The following GLIS3 variants were observed in gnomAD, a reference collection of about 807,000 sequenced individuals.
GLIS3 encodes the protein GLIS family zinc finger 3, also known as zinc finger protein GLIS3.
GLIS3 carries 53 observed loss-of-function variants against 78.6 expected under a neutral mutation model. That is an observed-to-expected ratio of 0.67 (90% CI 0.54 to 0.85). The LOEUF (loss-of-function observed/expected upper bound fraction) is 0.85. Ranked by LOEUF, GLIS3 falls within the 40% of genes least tolerant of loss-of-function variation. GLIS3 has a pLI of 0.00. For synonymous variants in GLIS3, 684 were observed against 509.9 expected, an observed-to-expected ratio of 1.34 and a Z score of -4.60; for missense variants, 1,703 against 1,231.1, an observed-to-expected ratio of 1.38 and a Z score of -5.74.
Position 4,118,172 on chromosome 9 carries a change from A to T in GLIS3, c.1306T>A (p.Phe436Ile). 6.4e-7 allele frequency: 1 copy of T among 1,567,500 alleles called. No homozygotes were observed. Among genetic ancestry groups the T allele is most frequent in the Non-Finnish European group, 8.6e-7 (1 of 1,156,490 alleles). The change falls in exon 4 of 11, where the codon TTC becomes ATC. Residue 436 changes from phenylalanine to isoleucine, a missense_variant. Phe to Ile is a conservative substitution (Grantham distance 21, BLOSUM62 0). Transcript: ENST00000381971. The surrounding 1 kb of genome is among the most constrained non-coding windows in gnomAD (Gnocchi z 4.7). ...GLFKTERLEEFPGSTVDLPPA... is the reference protein window; with the variant it reads ...GLFKTERLEEIPGSTVDLPPA... ...GGTAGGTCTACGGTGCTGCCCGGGA[A>T]CTCCTCCAGGCGTTCGGTCTTGAAC...
chr9:4,489,046 T>G, the GLIS3 span, among the ~76,000 whole-genome samples: 1 of 152,090 alleles, frequency 6.6e-6, no homozygotes, highest in Non-Finnish European at 1.5e-5. Flanking sequence ...TTTTTGTATT[T>G]TTAGCAGAGA....
chr9:3,841,168 C>T (rs968478414), intron 9 of GLIS3, among the ~76,000 whole-genome samples: 7 of 152,180 alleles, frequency 4.6e-5, no homozygotes, highest in East Asian at 3.8e-4. Flanking sequence ...AACCCTAGTG[C>T]GTGGTGGCCT....
intron 2 of GLIS3, among the ~76,000 whole-genome samples, chr9:4,335,839 G>C (rs1355616143): frequency 1.2e-4 from 18 of 152,162 alleles, no homozygotes; most frequent in Admixed American, 1.2e-3. Flanking sequence ...AACAGGATAA[G>C]GTGATTCTTC....
intron 2 of GLIS3, among the ~76,000 whole-genome samples, chr9:4,269,430 G>A (rs1457173944): frequency 6.6e-6 from 1 of 152,224 alleles, no homozygotes; most frequent in Non-Finnish European, 1.5e-5. Context: ...CAAATCAAGA[G>A]AAGACTGATC....
intron 4 of GLIS3, among the ~76,000 whole-genome samples, chr9:3,981,546 A>G (rs1157627232): frequency 6.6e-6 from 1 of 152,152 alleles, no homozygotes; most frequent in African/African-American, 2.4e-5. Context: ...GCTCTGATGC[A>G]GCCAGTCCTA....
the GLIS3 span, among the ~76,000 whole-genome samples, chr9:4,459,714 C>T: frequency 8.5e-5 from 13 of 152,098 alleles, no homozygotes; most frequent in African/African-American, 3.1e-4. Flanking sequence ...ACCATGAGCC[C>T]AGGAGGTCAA....
intron 8 of GLIS3, among the ~76,000 whole-genome samples, chr9:3,859,520 G>A (rs73382298): frequency 1.5e-4 from 23 of 152,208 alleles, no homozygotes; most frequent in African/African-American, 2.2e-4. Flanking sequence ...TTGTAATGCC[G>A]AGGATAAATT....
At chr9:4,345,802 C>T (rs1175728718) in intron 2 of GLIS3, among the ~76,000 whole-genome samples, 1 of 152,112 alleles carries the variant, frequency 6.6e-6, no homozygotes, top group Non-Finnish European at 1.5e-5. Flanking sequence ...AAAGTGATTG[C>T]GTCTGGGGAG....
intron 2 of GLIS3, among the ~76,000 whole-genome samples, chr9:4,254,947 C>A (rs1043423771): frequency 6.6e-6 from 1 of 152,032 alleles, no homozygotes; most frequent in African/African-American, 2.4e-5. Context: ...AAACATTTAT[C>A]TGTTAAAGGA....
chr9:4,392,711 T>A, the GLIS3 span, among the ~76,000 whole-genome samples: 4 of 152,208 alleles, frequency 2.6e-5, no homozygotes, highest in African/African-American at 9.6e-5. Flanking sequence ...TTTATGACAT[T>A]CTTGTGTTTC....
At chr9:4,467,997 A>C in the GLIS3 span, among the ~76,000 whole-genome samples, 3 of 152,244 alleles carry the variant, frequency 2.0e-5, no homozygotes, top group Non-Finnish European at 4.4e-5. Context: ...CACAGGCACA[A>C]GGTTCAGTAG....
intron 8 of GLIS3, among the ~76,000 whole-genome samples, chr9:3,874,872 C>T (rs140259234): frequency 4.5e-4 from 69 of 152,296 alleles, no homozygotes; most frequent in African/African-American, 1.6e-3. Context: ...CATAGGAAGC[C>T]CTTCATAAGC....
chr9:4,051,849 T>C (rs759129947), intron 4 of GLIS3, among the ~76,000 whole-genome samples: 1 of 152,158 alleles, frequency 6.6e-6, no homozygotes, highest in African/African-American at 2.4e-5. Context: ...AAGGTGGGCT[T>C]TTTGCCATTT....
chr9:3,893,190 G>C (rs1822578869), intron 7 of GLIS3, among the ~76,000 whole-genome samples: 1 of 152,104 alleles, frequency 6.6e-6, no homozygotes, highest in African/African-American at 2.4e-5. Flanking sequence ...CTCGCTACTT[G>C]CCTCTCCTCC....
intron 4 of GLIS3, among the ~76,000 whole-genome samples, chr9:3,972,147 T>C (rs943947292): frequency 6.6e-6 from 1 of 152,210 alleles, no homozygotes; most frequent in African/African-American, 2.4e-5. Flanking sequence ...AATGTCTATG[T>C]TGTTTACAAA....
chr9:4,156,358 G>T (rs923696453), intron 2 of GLIS3, among the ~76,000 whole-genome samples: 1 of 152,108 alleles, frequency 6.6e-6, no homozygotes, highest in Admixed American at 6.5e-5. Context: ...TAAACCTCAG[G>T]AGAGAAGCAC....
At chr9:4,422,014 G>A in the GLIS3 span, among the ~76,000 whole-genome samples, 1 of 152,170 alleles carries the variant, frequency 6.6e-6, no homozygotes, top group African/African-American at 2.4e-5. Context: ...AAGGTCCTGT[G>A]CCTCTGTCAC....
chr9:3,991,719 C>G (rs1015304620), intron 4 of GLIS3, among the ~76,000 whole-genome samples: 1 of 96,730 alleles, frequency 1.0e-5, no homozygotes, highest in Non-Finnish European at 1.7e-5. Context: ...GAGACGGAGT[C>G]TCACTCTGTC....
At chr9:4,283,856 G>C (rs62541830) in intron 2 of GLIS3, among the ~76,000 whole-genome samples, 32,009 of 152,158 alleles carry the variant, frequency 0.21, 3,899 homozygotes, top group Non-Finnish European at 0.28. Flanking sequence ...TCCAAAGCTA[G>C]AGGTGATAAT....
Sources: allele counts gnomAD v4.1 joint callset (sites outside exome capture counted in the v4.1 genomes callset), GRCh38; gene constraint gnomAD v4.1.1; non-coding constraint Gnocchi (gnomAD v3.1); transcripts MANE v1.5; gene names NCBI Gene and HGNC (gene_info 2026-07-23, HGNC 2026-07-21).